The following ASB17 variants were observed in gnomAD, a reference collection of about 807,000 sequenced individuals.
ASB17 encodes the protein ankyrin repeat and SOCS box containing 17, also known as ankyrin repeat and SOCS box protein 17.
Under a neutral mutation model 25.7 loss-of-function variants are expected in ASB17, and 26 were observed. The ratio of observed to expected loss-of-function variants is 1.01; its 90% confidence interval spans 0.74 to 1.40. The LOEUF is 1.40. Among genes scored for constraint, ASB17 ranks in the 40% most tolerant of loss-of-function variants. The probability of loss-of-function intolerance (pLI) is 0.00; values close to 1 mark genes in which losing one functional copy is unlikely to be tolerated. For synonymous variants in ASB17, 128 were observed against 121.4 expected (o/e 1.05, Z -0.36); for missense variants, 326 against 338.5 (o/e 0.96, Z 0.29).
chr1:75,921,307 GA>G (rs567422155), intron 2 of ASB17, among the ~76,000 whole-genome samples: 3 of 150,498 alleles, frequency 2.0e-5, no homozygotes, highest in South Asian at 2.1e-4. Context: ...AGGCACTGAA[GA>G]AAAAAAAACA....
chr1:75,928,597 G>T (rs772764160), intron 1 of ASB17, among the ~76,000 whole-genome samples: 10 of 152,194 alleles, frequency 6.6e-5, no homozygotes. Flanking sequence ...GAAATTTGGG[G>T]TATTCATTAT....
At chr1:75,925,137 T>A (rs998578454) in intron 1 of ASB17, among the ~76,000 whole-genome samples, 1 of 152,120 alleles carries the variant, frequency 6.6e-6, no homozygotes, top group East Asian at 1.9e-4. Context: ...TATTTGTTAA[T>A]TGAACTTTTT....
In ASB17 at chr1:75,931,965, G is replaced by A. The variant is rs1269288810; in HGVS notation, c.327C>T (p.Asp109=). The A allele has an allele frequency of 5.6e-6, 9 of 1,613,800 alleles. No individual in the cohort carries two copies. The highest frequency in any genetic ancestry group is 7.6e-6 in the Non-Finnish European group (9 of 1,179,956). Residue 109 remains aspartate (D), a synonymous_variant, in exon 1 of 3, where the codon GAC becomes GAT. Transcript: ENST00000284142. ...YWVFARKGNP[D]FVELLLKKTK... Reference sequence around the variant, plus strand: ...TCTTCTTGAGAAGCAATTCCACAAAGTCAGGATTACCTTTTCTGGCAAAAA... The same window carrying A: ...TCTTCTTGAGAAGCAATTCCACAAAATCAGGATTACCTTTTCTGGCAAAAA...
intron 1 of ASB17, among the ~76,000 whole-genome samples, chr1:75,929,141 G>T (rs1361447752): frequency 1.3e-5 from 2 of 152,176 alleles, no homozygotes; most frequent in Non-Finnish European, 2.9e-5. Flanking sequence ...GTGTTCAAAA[G>T]GGAGAGTAAT....
Position 75,922,488 on chromosome 1 carries a change from C to CTTTTTTTTTTT in ASB17, c.402-140_402-130dup, listed in dbSNP as rs3037164. On this transcript the variant is annotated intron_variant, in intron 1 of 2. Coordinates refer to ENST00000284142, the MANE Select transcript of ASB17 (RefSeq NM_080868.3). ...GTCTTAAATGTAACTTTATATGTTT[C>CTTTTTTTTTTT]TTTTTTTTTTTTTTTTTTTTTTTTT... 8.2e-4 allele frequency: 100 copies of CTTTTTTTTTTT among 122,358 alleles called. 8 individuals carry two copies. Among genetic ancestry groups the CTTTTTTTTTTT allele is most frequent in the African/African-American group, 1.5e-3 (31 of 21,048 alleles). 7.6% of individuals were successfully genotyped at this position (122,358 alleles called of 1,614,324 possible). A position where few individuals can be genotyped will look rare whatever the true frequency, so the allele number is the denominator to read the frequency against.
At chr1:75,929,903 A>G (rs564028221) in intron 1 of ASB17, among the ~76,000 whole-genome samples, 12 of 146,928 alleles carry the variant, frequency 8.2e-5, no homozygotes, top group African/African-American at 2.7e-4. Flanking sequence ...CTTTAGCCAC[A>G]TGGTAGAGAA....
chr1:75,919,223 A>C, intron 2 of ASB17, 65 bp from the exon 3 acceptor site: 1 of 1,089,422 alleles, frequency 9.2e-7, no homozygotes. Flanking sequence ...CAAATTATTA[A>C]AACTTATTTT....
At chr1:75,923,906 T>C (rs561647924) in intron 1 of ASB17, among the ~76,000 whole-genome samples, 2 of 152,256 alleles carry the variant, frequency 1.3e-5, no homozygotes, top group East Asian at 3.9e-4. Context: ...TAGAGTGTAC[T>C]GAGAAGTAGA....
rs559179957 is a variant in ASB17, at chr1:75,932,107, C to A, written c.185G>T (p.Gly62Val). ...GTAATCTGTGAGTAGTGCGTCAAAA[C>A]CATCCAAGTCCACATACCTCAGAAT... ...AKILRYVDLD[G>V]FDALLTDYIA... is the part of the protein sequence containing the mutation. Residue 62 changes from glycine to valine, a missense_variant, in exon 1 of 3, where the codon GGT becomes GTT. Coordinates refer to ENST00000284142, the MANE Select transcript of ASB17 (RefSeq NM_080868.3). The A allele has an allele frequency of 5.6e-6, 9 of 1,614,102 alleles. No homozygotes were observed. In the South Asian group the frequency reaches 7.7e-5, roughly 14 times the overall value.
At chr1:75,923,819 T>A (rs577324348) in intron 1 of ASB17, among the ~76,000 whole-genome samples, 6 of 152,214 alleles carry the variant, frequency 3.9e-5, no homozygotes, top group Admixed American at 3.9e-4. Flanking sequence ...TTGGCCTCTT[T>A]ACATCTGTTT....
At chr1:75,928,323 G>C (rs879356580) in intron 1 of ASB17, among the ~76,000 whole-genome samples, 2 of 152,122 alleles carry the variant, frequency 1.3e-5, no homozygotes, top group South Asian at 2.1e-4. Flanking sequence ...ATAGTGTCTG[G>C]CACTTAAAAA....
chr1:75,921,471 A>G (rs919224941), intron 2 of ASB17, among the ~76,000 whole-genome samples: 34 of 152,180 alleles, frequency 2.2e-4, no homozygotes, highest in African/African-American at 8.0e-4. Context: ...AATGGGCATG[A>G]TTCAATTTGA....
In ASB17 at chr1:75,922,329, T is replaced by G; in HGVS notation, c.432A>C (p.Pro144=). The part of the protein sequence containing the change: ...RTFTPVYCPS[P]LSGITPLFYV... ...AAAAGAGAGGTGTGATGCCACTTAA[T>G]GGGCTTGGACAGTATACTGGTGTGA... The change falls in exon 2 of 3, where the codon CCA becomes CCC. Residue 144 remains proline, a synonymous_variant. Transcript: ENST00000284142. 1 of 1,613,208 alleles carries G rather than the reference T, an allele frequency of 6.2e-7. No homozygotes were observed. The highest frequency in any genetic ancestry group is 2.2e-5 in the East Asian group (1 of 44,824).
chr1:75,931,746 G>T lies in ASB17; in HGVS notation c.401+145C>A, dbSNP rs2100617661. 2.5e-5 allele frequency: 15 copies of T among 595,162 alleles called. No individual in the cohort carries two copies. The South Asian group carries it at 3.8e-4, about 15-fold the overall frequency. 36.9% of individuals were successfully genotyped at this position (595,162 alleles called of 1,614,324 possible). ...TGGAATACATAATAAAAGAGTGAAG[G>T]AGTGAACACGTGGTCAAGCAATTAG... On this transcript the variant is annotated intron_variant, in intron 1 of 2. Coordinates refer to ENST00000284142, the MANE Select transcript of ASB17 (RefSeq NM_080868.3).
In ASB17 at chr1:75,919,067, T is replaced by G; in HGVS notation, c.773A>C (p.His258Pro). ...TRYKDPCELL[H>P]LCRLTIRNQL... is the part of the protein sequence containing the mutation. ...ATTCCTGATGGTTAGTCTGCAAAGATGTAATAGTTCACATGGATCTTTGTA... is the reference window on the plus strand; with the variant it reads ...ATTCCTGATGGTTAGTCTGCAAAGAGGTAATAGTTCACATGGATCTTTGTA... Residue 258 changes from histidine to proline, a missense_variant, in exon 3 of 3, where the codon CAT becomes CCT. By Grantham distance (77) the His-to-Pro change is moderately conservative. Transcript: ENST00000284142. The G allele has an allele frequency of 6.2e-7, 1 of 1,612,218 alleles. No individual in the cohort carries two copies. Among genetic ancestry groups the G allele is most frequent in the Non-Finnish European group, 8.5e-7 (1 of 1,178,486 alleles).
chr1:75,921,384 GATT>G (rs1653023472), intron 2 of ASB17, among the ~76,000 whole-genome samples: 2 of 152,124 alleles, frequency 1.3e-5, no homozygotes, highest in Non-Finnish European at 2.9e-5. Flanking sequence ...GGAACTACTG[GATT>G]CCTTGTTAAT....
At position 75,932,048 on chromosome 1, in the gene ASB17, C is replaced by G. The variant is rs553833321; in HGVS notation, c.244G>C (p.Glu82Gln). 1.9e-6 allele frequency: 3 copies of G among 1,614,072 alleles called. No homozygotes were observed. Among genetic ancestry groups the G allele is most frequent in the South Asian group, 2.2e-5 (2 of 91,074 alleles). The change falls in exon 1 of 3, where the codon GAA becomes CAA. Residue 82 changes from glutamate to glutamine, a missense_variant. Glu to Gln is a conservative substitution (Grantham distance 29). Coordinates refer to ENST00000284142, the MANE Select transcript of ASB17 (RefSeq NM_080868.3). ...AFVEKSGYRF[E>Q]VSFNLDFTEI... Reference sequence around the variant, plus strand: ...GTGAAGTCGAGGTTAAAACTTACTTCAAAACGGTATCCTGATTTTTCCACA... The same window carrying G: ...GTGAAGTCGAGGTTAAAACTTACTTGAAAACGGTATCCTGATTTTTCCACA...
Position 75,918,950 on chromosome 1 carries a change from T to C in ASB17, c.*2A>G. The C allele has an allele frequency of 6.2e-7, 1 of 1,602,302 alleles. No individual in the cohort carries two copies. Among genetic ancestry groups the C allele is most frequent in the South Asian group, 1.1e-5 (1 of 90,834 alleles). On this transcript the variant is annotated 3_prime_UTR_variant, in exon 3 of 3. Coordinates refer to ENST00000284142, the MANE Select transcript of ASB17 (RefSeq NM_080868.3). ...TTAAGGAACTTAGGACACTGACGTATGTTAGATTTCTAAATTCAGATAGTT... is the reference window on the plus strand; with the variant it reads ...TTAAGGAACTTAGGACACTGACGTACGTTAGATTTCTAAATTCAGATAGTT...
At position 75,919,125 on chromosome 1, in the gene ASB17, A is replaced by T; in HGVS notation, c.715T>A (p.Ser239Thr). The T allele has an allele frequency of 6.2e-7, 1 of 1,612,670 alleles. No homozygotes were observed. The highest frequency in any genetic ancestry group is 8.5e-7 in the Non-Finnish European group (1 of 1,179,374). ...QLSLGRHPII[S>T]NWFDYIPSTR... ...GAAGGAATGTAATCAAACCAATTTG[A>T]AATAATTGGATGTCTTCCTAAACTC... Residue 239 changes from serine (S) to threonine (T), a missense_variant, in exon 3 of 3, where the codon TCA becomes ACA. By Grantham distance (58) the Ser-to-Thr change is moderately conservative (BLOSUM62 1). Coordinates refer to ENST00000284142, the MANE Select transcript of ASB17 (RefSeq NM_080868.3).
Sources: allele counts gnomAD v4.1 joint callset (sites outside exome capture counted in the v4.1 genomes callset), GRCh38; gene constraint gnomAD v4.1.1; transcripts MANE v1.5; gene names NCBI Gene and HGNC (gene_info 2026-07-23, HGNC 2026-07-21).